Variants in LRRC4C observed in about 807,000 individuals in gnomAD.
LRRC4C encodes leucine rich repeat containing 4C, also known as leucine-rich repeat-containing protein 4C.
LRRC4C carries 5 observed loss-of-function variants against 33.6 expected under a neutral mutation model. That is an observed-to-expected ratio of 0.15 (90% confidence interval 0.08 to 0.31). The LOEUF is 0.31. Ranked by LOEUF, LRRC4C falls within the 10% of genes least tolerant of loss-of-function variation. The pLI, the probability that LRRC4C is intolerant of heterozygous loss-of-function variation, is 1.00. For missense variants in LRRC4C, 560 were observed against 796.7 expected (o/e 0.70, Z 3.58); for synonymous variants, 329 against 302.0 (o/e 1.09, Z -0.93).
chr11:40,451,626 C>T (rs1951892216), intron 3 of LRRC4C, among the ~76,000 whole-genome samples: 1 of 151,754 alleles, frequency 6.6e-6, no homozygotes, highest in South Asian at 2.1e-4. Flanking sequence ...ACCTCATGGT[C>T]CACCCGCCTT....
At chr11:40,338,341 G>T (rs1222209702) in intron 3 of LRRC4C, among the ~76,000 whole-genome samples, 1 of 152,204 alleles carries the variant, frequency 6.6e-6, no homozygotes, top group African/African-American at 2.4e-5. Context: ...CTGCAGGGTA[G>T]TTCAGAGAAT....
chr11:40,612,525 A>G (rs1961334175), intron 3 of LRRC4C, among the ~76,000 whole-genome samples: 2 of 151,984 alleles, frequency 1.3e-5, no homozygotes, highest in African/African-American at 4.8e-5. Flanking sequence ...TTAAGAGAGC[A>G]GATTTTATGC....
chr11:40,268,037 T>C (rs1942411287), intron 4 of LRRC4C, among the ~76,000 whole-genome samples: 1 of 152,206 alleles, frequency 6.6e-6, no homozygotes, highest in Non-Finnish European at 1.5e-5. Context: ...AAAATCAATC[T>C]TTTCTGAGAA....
intron 1 of LRRC4C, among the ~76,000 whole-genome samples, chr11:41,126,742 G>C (rs2135805810): frequency 1.3e-5 from 2 of 152,034 alleles, no homozygotes; most frequent in Admixed American, 1.3e-4. Context: ...CTTCTACCAG[G>C]TGAAGAAGCC....
At chr11:41,037,543 T>C (rs899676950) in intron 1 of LRRC4C, among the ~76,000 whole-genome samples, 1 of 151,550 alleles carries the variant, frequency 6.6e-6, no homozygotes, top group African/African-American at 2.4e-5. Flanking sequence ...CTAGCATACA[T>C]GCTTGCTGAA....
At chr11:41,305,520 G>A (rs1160377306) in intron 1 of LRRC4C, among the ~76,000 whole-genome samples, 8 of 50,298 alleles carry the variant, frequency 1.6e-4, no homozygotes, top group African/African-American at 3.8e-4. Flanking sequence ...TGTGTAGAAA[G>A]AAGTAGACAT....
intron 3 of LRRC4C, among the ~76,000 whole-genome samples, chr11:40,604,612 C>T (rs7942446): frequency 0.043 from 6,491 of 151,782 alleles, 409 homozygotes; most frequent in African/African-American, 0.14. Context: ...CAAAAGAGGA[C>T]GTACAAAATA....
rs574796124 is a variant in LRRC4C at position 40,364,332 on chromosome 11, C to T, written c.-269-44611G>A. Among the ~76,000 whole-genome samples, 15 of 152,100 alleles carry T rather than the reference C, an allele frequency of 9.9e-5. 1 individual carries two copies. The South Asian group carries it at 3.1e-3, about 32-fold the overall frequency. On this transcript the variant is annotated intron_variant, in intron 3 of 6. Coordinates refer to ENST00000528697, the MANE Select transcript of LRRC4C (RefSeq NM_001258419.2). ...GTTAAACCACTATTATAAATATACT[C>T]CTTATCTTCAAGAAAGCCAATGAAA...
intron 3 of LRRC4C, among the ~76,000 whole-genome samples, chr11:40,452,844 T>C (rs1383008147): frequency 6.6e-6 from 1 of 152,148 alleles, no homozygotes; most frequent in African/African-American, 2.4e-5. Context: ...TGGAATACTA[T>C]GCAGCCATAA....
At chr11:40,879,022 A>G (rs1309022805) in intron 2 of LRRC4C, among the ~76,000 whole-genome samples, 1 of 152,154 alleles carries the variant, frequency 6.6e-6, no homozygotes, top group Non-Finnish European at 1.5e-5. Context: ...GACTATAAGT[A>G]ATTCATGACG....
intron 2 of LRRC4C, among the ~76,000 whole-genome samples, chr11:40,753,242 A>G (rs1014509999): frequency 2.6e-5 from 4 of 152,034 alleles, no homozygotes; most frequent in Non-Finnish European, 4.4e-5. Context: ...GATTAGGGTG[A>G]CTACAGTTAG....
intron 2 of LRRC4C, among the ~76,000 whole-genome samples, chr11:40,805,590 AG>A (rs1565083483): frequency 6.6e-6 from 1 of 152,206 alleles, no homozygotes; most frequent in African/African-American, 2.4e-5. Flanking sequence ...TAGTTTCAAG[AG>A]TGTGACGATA....
At chr11:41,160,041 A>G (rs1178506472) in intron 1 of LRRC4C, among the ~76,000 whole-genome samples, 23 of 152,250 alleles carry the variant, frequency 1.5e-4, no homozygotes, top group Non-Finnish European at 4.4e-5. Context: ...ACACACATGA[A>G]TGGAAATTAA....
chr11:41,193,971 C>T (rs1946074590), intron 1 of LRRC4C, among the ~76,000 whole-genome samples: 2 of 151,668 alleles, frequency 1.3e-5, no homozygotes, highest in Admixed American at 1.3e-4. Flanking sequence ...ACTGGTCTTG[C>T]CTCCCCTTCC....
chr11:41,066,732 A>G (rs899886125), intron 1 of LRRC4C, among the ~76,000 whole-genome samples: 1 of 152,220 alleles, frequency 6.6e-6, no homozygotes, highest in Non-Finnish European at 1.5e-5. Flanking sequence ...GAAACCCTAC[A>G]TGCCAGAAGA....
rs181959385 is a variant in LRRC4C at position 40,755,733 on chromosome 11, G to A, written c.-406-107455C>T. Among the ~76,000 whole-genome samples the A allele has an allele frequency of 1.1e-4, 16 of 152,188 alleles. No homozygotes were observed. The East Asian group carries it at 1.2e-3, about 11-fold the overall frequency. On this transcript the variant is annotated intron_variant, in intron 2 of 6. Coordinates refer to ENST00000528697, the MANE Select transcript of LRRC4C (RefSeq NM_001258419.2). ...AGTCCAAATATTCATAGTACATTGA[G>A]AGAGCAGTTGTGAAACTACTTTAGA...
intron 3 of LRRC4C, among the ~76,000 whole-genome samples, chr11:40,522,362 G>A (rs1955855409): frequency 6.6e-6 from 1 of 152,126 alleles, no homozygotes; most frequent in Non-Finnish European, 1.5e-5. Flanking sequence ...ATGGATGGTG[G>A]TTAATATGGT....
intron 1 of LRRC4C, among the ~76,000 whole-genome samples, chr11:41,435,801 T>C (rs1955405417): frequency 6.6e-6 from 1 of 152,252 alleles, no homozygotes; most frequent in Non-Finnish European, 1.5e-5. Context: ...TATATTCAAG[T>C]ACATTTAGAA....
At chr11:41,117,710 G>T (rs77701191) in intron 1 of LRRC4C, among the ~76,000 whole-genome samples, 1 of 151,796 alleles carries the variant, frequency 6.6e-6, no homozygotes, top group Non-Finnish European at 1.5e-5. Context: ...GCATAAACCT[G>T]GTCTTTTGCC....
Sources: gnomAD v4.1 joint callset for allele counts (sites outside exome capture counted in the v4.1 genomes callset) on GRCh38, gnomAD v4.1.1 for gene constraint, MANE v1.5 for transcripts, NCBI Gene and HGNC (gene_info 2026-07-23, HGNC 2026-07-21) for gene names.